The following GLCCI1 variants were observed in gnomAD, a reference collection of about 807,000 sequenced individuals.
GLCCI1 encodes glucocorticoid induced 1.
A neutral mutation model predicts 52.2 loss-of-function variants in GLCCI1; 24 were observed. The observed-to-expected ratio is 0.46, with a 90% CI of 0.33 to 0.65. GLCCI1 has a LOEUF of 0.65. Ranked by LOEUF, GLCCI1 falls within the 30% of genes least tolerant of loss-of-function variation. The pLI is 0.02. For synonymous variants in GLCCI1, 310 were observed against 276.5 expected (o/e 1.12, Z -1.20); for missense variants, 704 against 701.5 (o/e 1.00, Z -0.04).
At chr7:8,057,189 G>C (rs181486027) in intron 4 of GLCCI1, among the ~76,000 whole-genome samples, 2 of 151,590 alleles carry the variant, frequency 1.3e-5, no homozygotes, top group African/African-American at 4.9e-5. Flanking sequence ...TAGAATTTTC[G>C]CCCTTTGATA....
intron 3 of GLCCI1, among the ~76,000 whole-genome samples, chr7:8,026,318 A>G (rs1475606822): frequency 6.6e-6 from 1 of 152,240 alleles, no homozygotes; most frequent in Non-Finnish European, 1.5e-5. Flanking sequence ...ACTAAAAAAT[A>G]TCACAAAGCA....
intron 3 of GLCCI1, among the ~76,000 whole-genome samples, chr7:8,037,618 G>T (rs939991343): frequency 2.0e-5 from 3 of 152,046 alleles, no homozygotes; most frequent in African/African-American, 7.2e-5. Flanking sequence ...TGATTAAAAA[G>T]CAGGATCTAA....
rs775591874 is a variant in GLCCI1, at chr7:8,086,555, C to T, written c.*17C>T. The T allele has an allele frequency of 9.0e-6, 14 of 1,556,516 alleles. No homozygotes were observed. The highest frequency in any genetic ancestry group is 1.1e-5 in the Non-Finnish European group (13 of 1,153,022). On this transcript the variant is annotated 3_prime_UTR_variant, in exon 8 of 8. Transcript: ENST00000223145. The surrounding 1 kb of genome is among the most constrained non-coding windows in gnomAD (Gnocchi z 4.4). The stretch of plus-strand genomic sequence containing the variant: ...ATCATCTAAAAAAGGGGGAGCTGGC[C>T]TCCACCCTATGTTCCATGGATTCGG...
chr7:8,011,351 T>C (rs1223759862), intron 2 of GLCCI1, among the ~76,000 whole-genome samples: 1 of 152,148 alleles, frequency 6.6e-6, no homozygotes, highest in Non-Finnish European at 1.5e-5. Context: ...CTATTTTCTG[T>C]CTCTGTGAAT....
Position 7,969,858 on chromosome 7 carries a change from C to A in GLCCI1, c.457+51C>A. ...CCCGGGCTGCGTCTCCCCGACGGTG[C>A]CCTCCGTGGAAACTTCAGCCTCTTC... On this transcript the variant is annotated intron_variant, in intron 1 of 7. Transcript: ENST00000223145. The surrounding 1 kb of genome is among the most constrained non-coding windows in gnomAD (Gnocchi z 4.9). 7.5e-7 allele frequency: 1 copy of A among 1,335,544 alleles called. No individual in the cohort carries two copies. Among genetic ancestry groups the A allele is most frequent in the Non-Finnish European group, 9.7e-7 (1 of 1,034,008 alleles). 82.7% of individuals were successfully genotyped at this position (1,335,544 alleles called of 1,614,324 possible).
At chr7:7,976,649 C>T (rs1169229849) in intron 1 of GLCCI1, among the ~76,000 whole-genome samples, 2 of 149,820 alleles carry the variant, frequency 1.3e-5, no homozygotes, top group Non-Finnish European at 3.0e-5. Flanking sequence ...TGGTGGCTCA[C>T]ACCTGTAATC....
At chr7:8,048,598 T>C (rs1346455642) in intron 3 of GLCCI1, among the ~76,000 whole-genome samples, 5 of 152,172 alleles carry the variant, frequency 3.3e-5, no homozygotes, top group Admixed American at 6.5e-5. Context: ...ACTCCTCTCT[T>C]TTCATTTGAG....
chr7:8,028,770 C>T (rs1781683095), intron 3 of GLCCI1, among the ~76,000 whole-genome samples: 2 of 151,970 alleles, frequency 1.3e-5, no homozygotes, highest in South Asian at 4.1e-4. Context: ...AAAAAGAAGA[C>T]TTTACAGCCG....
At chr7:8,056,528 G>A (rs896306324) in intron 4 of GLCCI1, among the ~76,000 whole-genome samples, 1 of 152,054 alleles carries the variant, frequency 6.6e-6, no homozygotes, top group Admixed American at 6.5e-5. Flanking sequence ...TCCCCTAGAA[G>A]TAAATACTAA....
In GLCCI1 at chr7:7,969,483, G is replaced by C. The variant is rs1427219422; in HGVS notation, c.133G>C (p.Gly45Arg). 1 of 1,027,508 alleles carries C rather than the reference G, an allele frequency of 9.7e-7. No homozygotes were observed. Among genetic ancestry groups the C allele is most frequent in the Non-Finnish European group, 1.2e-6 (1 of 860,140 alleles). 63.6% of individuals were successfully genotyped at this position (1,027,508 alleles called of 1,614,324 possible). Residue 45 changes from glycine to arginine, a missense_variant, in exon 1 of 8, where the codon GGC becomes CGC. Transcript: ENST00000223145. The surrounding 1 kb of genome is among the most constrained non-coding windows in gnomAD (Gnocchi z 4.9). ...AAAGSGNGAGGGGGVGCAPAA... is the reference protein window; with the variant it reads ...AAAGSGNGAGRGGGVGCAPAA... The stretch of plus-strand genomic sequence containing the variant: ...CGCCGGGAGCGGGAACGGTGCGGGC[G>C]GCGGCGGCGGCGTGGGCTGCGCCCC...
At chr7:7,982,372 C>T (rs1385425334) in intron 1 of GLCCI1, 1 of 165,178 alleles carries the variant, frequency 6.1e-6, no homozygotes, top group Non-Finnish European at 1.3e-5. Context: ...ATTATTAATA[C>T]TGATTATATA....
chr7:8,082,615 A>T (rs1039473655), intron 6 of GLCCI1, among the ~76,000 whole-genome samples: 3 of 152,182 alleles, frequency 2.0e-5, no homozygotes, highest in African/African-American at 7.2e-5. Context: ...AAAAATTTTT[A>T]TTGAAAAGAT....
intron 5 of GLCCI1, among the ~76,000 whole-genome samples, chr7:8,064,040 C>T (rs898923031): frequency 6.6e-6 from 1 of 152,116 alleles, no homozygotes; most frequent in Non-Finnish European, 1.5e-5. Context: ...CATTTTCTCC[C>T]ATTATGTAGG....
intron 1 of GLCCI1, among the ~76,000 whole-genome samples, chr7:7,988,411 G>T (rs1780778840): frequency 6.6e-6 from 1 of 152,024 alleles, no homozygotes; most frequent in African/African-American, 2.4e-5. Flanking sequence ...ATAAGTTATG[G>T]GAGTCCTGAC....
intron 2 of GLCCI1, among the ~76,000 whole-genome samples, chr7:8,004,852 G>A (rs541514672): frequency 2.0e-5 from 3 of 152,280 alleles, no homozygotes; most frequent in South Asian, 4.1e-4. Context: ...GGGCTTTGTA[G>A]GTTAGGGAAA....
rs750672122 is a variant in GLCCI1 at position 8,086,481 on chromosome 7, C to A, written c.1587C>A (p.Leu529=). ...SVQQPSQQQQ[L]LQELQGEDHI... is the part of the protein sequence containing the mutation. ...AGCAGCCATCCCAGCAGCAGCAGCT[C>A]CTGCAGGAACTGCAGGGTGAGGACC... Residue 529 remains leucine (L), a synonymous_variant, in exon 8 of 8, where the codon CTC becomes CTA. Transcript: ENST00000223145. The surrounding 1 kb of genome is among the most constrained non-coding windows in gnomAD (Gnocchi z 4.4). The A allele has an allele frequency of 6.2e-7, 1 of 1,614,078 alleles. No individual in the cohort carries two copies. Among genetic ancestry groups the A allele is most frequent in the East Asian group, 2.2e-5 (1 of 44,882 alleles).
chr7:8,046,329 G>C (rs922705957), intron 3 of GLCCI1, among the ~76,000 whole-genome samples: 3 of 152,196 alleles, frequency 2.0e-5, no homozygotes, highest in African/African-American at 7.2e-5. Flanking sequence ...CTCTCGTCCA[G>C]GAACTGAAAG....
chr7:8,047,653 A>C (rs1336256138), intron 3 of GLCCI1, among the ~76,000 whole-genome samples: 2 of 152,214 alleles, frequency 1.3e-5, no homozygotes, highest in East Asian at 1.9e-4. Flanking sequence ...CTACAATTTC[A>C]GAAGAAACTT....
intron 6 of GLCCI1, among the ~76,000 whole-genome samples, chr7:8,078,439 C>T (rs1782921486): frequency 6.6e-6 from 1 of 152,054 alleles, no homozygotes; most frequent in Non-Finnish European, 1.5e-5. Context: ...ATTCCACACC[C>T]TTGTCAGCAA....
Sources: gnomAD v4.1 joint callset for allele counts (sites outside exome capture counted in the v4.1 genomes callset) on GRCh38, gnomAD v4.1.1 for gene constraint, Gnocchi (gnomAD v3.1) non-coding constraint, MANE v1.5 for transcripts, NCBI Gene and HGNC (gene_info 2026-07-23, HGNC 2026-07-21) for gene names.